The following LRRC4C variants were observed in gnomAD, a reference collection of about 807,000 sequenced individuals.
LRRC4C encodes leucine rich repeat containing 4C.
In LRRC4C, 5 loss-of-function variants were observed where a neutral mutation model predicts 33.6. The observed-to-expected ratio is 0.15, with a 90% CI of 0.08 to 0.31. The LOEUF (loss-of-function observed/expected upper bound fraction) is 0.31. Among genes scored for constraint, LRRC4C ranks in the 10% least tolerant of loss-of-function variants. LRRC4C has a pLI of 1.00. For missense variants in LRRC4C, 560 were observed against 796.7 expected, an observed-to-expected ratio of 0.70 and a Z score of 3.58; for synonymous variants, 329 against 302.0, an observed-to-expected ratio of 1.09 and a Z score of -0.93.
intron 3 of LRRC4C, among the ~76,000 whole-genome samples, chr11:40,590,702 G>A (rs1959003412): frequency 6.6e-6 from 1 of 151,632 alleles, no homozygotes. Flanking sequence ...TAACAGACAG[G>A]ACCCTCAGCT....
At chr11:40,574,571 A>G (rs1958109113) in intron 3 of LRRC4C, among the ~76,000 whole-genome samples, 1 of 152,200 alleles carries the variant, frequency 6.6e-6, no homozygotes, top group Admixed American at 6.5e-5. Context: ...TTAAAATTAT[A>G]AATCAAGCTA....
intron 2 of LRRC4C, among the ~76,000 whole-genome samples, chr11:40,794,489 T>C (rs1207351646): frequency 6.6e-6 from 1 of 151,550 alleles, no homozygotes; most frequent in East Asian, 2.0e-4. Context: ...TCTCTGATTC[T>C]CCATCACAGG....
At chr11:40,620,881 C>A (rs1962384414) in intron 3 of LRRC4C, among the ~76,000 whole-genome samples, 1 of 151,674 alleles carries the variant, frequency 6.6e-6, no homozygotes, top group South Asian at 2.1e-4. Flanking sequence ...GGATATGGAG[C>A]AATAATATTT....
intron 1 of LRRC4C, among the ~76,000 whole-genome samples, chr11:40,948,033 G>T (rs1210828872): frequency 6.6e-6 from 1 of 152,042 alleles, no homozygotes; most frequent in Non-Finnish European, 1.5e-5. Context: ...TTGGTGAAAA[G>T]TAGAATTCAG....
intron 2 of LRRC4C, among the ~76,000 whole-genome samples, chr11:40,805,754 A>G (rs1441235990): frequency 6.6e-6 from 1 of 152,184 alleles, no homozygotes; most frequent in Non-Finnish European, 1.5e-5. Flanking sequence ...GGCAAGCAGT[A>G]TTCAATTTTA....
At chr11:41,124,197 C>T (rs1942621984) in intron 1 of LRRC4C, among the ~76,000 whole-genome samples, 1 of 152,106 alleles carries the variant, frequency 6.6e-6, no homozygotes, top group Non-Finnish European at 1.5e-5. Context: ...TTACTTTCTA[C>T]CCATACCAGA....
chr11:40,663,625 T>C (rs1164360217), intron 2 of LRRC4C, among the ~76,000 whole-genome samples: 6 of 151,964 alleles, frequency 3.9e-5, no homozygotes, highest in Non-Finnish European at 8.8e-5. Context: ...GCCAGTGGGG[T>C]GAGCCAAACA....
At chr11:41,458,758 C>T (rs1238632914) in intron 1 of LRRC4C, among the ~76,000 whole-genome samples, 2 of 152,084 alleles carry the variant, frequency 1.3e-5, no homozygotes, top group Admixed American at 1.3e-4. Context: ...CGACACTAGT[C>T]TTAATCAGGG....
chr11:40,509,299 A>G (rs2138700754), intron 3 of LRRC4C, among the ~76,000 whole-genome samples: 1 of 152,304 alleles, frequency 6.6e-6, no homozygotes, highest in East Asian at 1.9e-4. Flanking sequence ...ATGGGTTGCT[A>G]TTTAGCATGA....
At chr11:41,275,599 A>T (rs970412668) in intron 1 of LRRC4C, among the ~76,000 whole-genome samples, 1 of 152,178 alleles carries the variant, frequency 6.6e-6, no homozygotes, top group African/African-American at 2.4e-5. Context: ...TTAGAAATGG[A>T]ACAAAAATGG....
intron 4 of LRRC4C, among the ~76,000 whole-genome samples, chr11:40,306,952 TTC>T (rs1945064979): frequency 6.6e-6 from 1 of 151,988 alleles, no homozygotes. Flanking sequence ...TTTTTTTTTT[TTC>T]TCTCTGTGGC....
At chr11:40,949,081 C>G (rs901636928) in intron 1 of LRRC4C, among the ~76,000 whole-genome samples, 1 of 151,916 alleles carries the variant, frequency 6.6e-6, no homozygotes, top group Non-Finnish European at 1.5e-5. Context: ...GAGATGATAT[C>G]TCATTGTGGT....
intron 4 of LRRC4C, among the ~76,000 whole-genome samples, chr11:40,244,340 C>T (rs1189765959): frequency 1.3e-5 from 2 of 151,954 alleles, no homozygotes; most frequent in South Asian, 2.1e-4. Flanking sequence ...CCTCTCTCTC[C>T]CAAAGCACAG....
intron 2 of LRRC4C, among the ~76,000 whole-genome samples, chr11:40,789,498 C>CT (rs375888448): frequency 2.4e-3 from 367 of 150,700 alleles, no homozygotes; most frequent in African/African-American, 8.1e-3. Flanking sequence ...TATCTTTCTT[C>CT]TCTCTCTCTC....
chr11:40,727,810 A>G (rs1947360078), intron 2 of LRRC4C, among the ~76,000 whole-genome samples: 1 of 152,116 alleles, frequency 6.6e-6, no homozygotes, highest in African/African-American at 2.4e-5. Flanking sequence ...GCATTTTAGG[A>G]GGCTCAGGTG....
intron 2 of LRRC4C, among the ~76,000 whole-genome samples, chr11:40,678,134 T>C (rs566445491): frequency 2.8e-4 from 43 of 151,974 alleles, no homozygotes; most frequent in Non-Finnish European, 3.5e-4. Context: ...ACATCACTTT[T>C]CTTTTTTTTT....
At chr11:41,314,920 G>A (rs11827407) in intron 1 of LRRC4C, among the ~76,000 whole-genome samples, 2 of 152,072 alleles carry the variant, frequency 1.3e-5, no homozygotes, top group East Asian at 3.9e-4. Context: ...ACTATCTAGT[G>A]CATATGTCCT....
At chr11:41,251,029 C>T (rs1948621750) in intron 1 of LRRC4C, among the ~76,000 whole-genome samples, 1 of 152,064 alleles carries the variant, frequency 6.6e-6, no homozygotes, top group Non-Finnish European at 1.5e-5. Flanking sequence ...TTTTTGTAGA[C>T]CACTAATGTA....
chr11:40,564,466 G>A (rs1161564845), intron 3 of LRRC4C, among the ~76,000 whole-genome samples: 1 of 152,188 alleles, frequency 6.6e-6, no homozygotes, highest in East Asian at 1.9e-4. Flanking sequence ...AAATTACCAA[G>A]AGCTTCAGTG....
Sources: gnomAD v4.1 joint callset for allele counts (sites outside exome capture counted in the v4.1 genomes callset) on GRCh38, gnomAD v4.1.1 for gene constraint, MANE v1.5 for transcripts, NCBI Gene and HGNC (gene_info 2026-07-23, HGNC 2026-07-21) for gene names.